Variants in PTPRG observed in about 807,000 individuals in gnomAD.
The protein encoded by PTPRG is receptor-type tyrosine-protein phosphatase gamma.
PTPRG carries 102 observed loss-of-function variants against 165.3 expected under a neutral mutation model. The observed-to-expected ratio is 0.62, with a 90% CI of 0.53 to 0.73. The LOEUF is 0.73. Ranked by LOEUF, PTPRG falls within the 30% of genes least tolerant of loss-of-function variation. PTPRG has a pLI of 0.00. For synonymous variants in PTPRG, 675 were observed against 669.5 expected (o/e 1.01, Z -0.13); for missense variants, 1,866 against 1,861.4 (o/e 1.00, Z -0.05).
At chr3:62,281,423 G>C (rs529936189) in intron 26 of PTPRG, 140 bp from the exon 27 acceptor site, 3 of 661,694 alleles carry the variant, frequency 4.5e-6, no homozygotes, top group African/African-American at 3.7e-5. Flanking sequence ...GGTGTAGTTC[G>C]ATGGGAACAT....
At chr3:61,601,150 G>A (rs1700855854) in intron 1 of PTPRG, among the ~76,000 whole-genome samples, 1 of 152,144 alleles carries the variant, frequency 6.6e-6, no homozygotes, top group African/African-American at 2.4e-5. Flanking sequence ...CACCTCCTTG[G>A]GAGGCTGAGG....
intron 8 of PTPRG, among the ~76,000 whole-genome samples, chr3:62,170,524 T>A (rs1705176227): frequency 6.6e-6 from 1 of 152,178 alleles, no homozygotes; most frequent in Admixed American, 6.5e-5. Context: ...CCAAGAAAGC[T>A]AGGGAGGATA....
chr3:61,693,127 A>G (rs930232505), intron 1 of PTPRG, among the ~76,000 whole-genome samples: 2 of 152,238 alleles, frequency 1.3e-5, no homozygotes, highest in African/African-American at 4.8e-5. Flanking sequence ...TTGCCCATTC[A>G]TTATATCAGA....
chr3:62,205,136 C>T (rs1446299987), intron 12 of PTPRG, among the ~76,000 whole-genome samples: 1 of 151,954 alleles, frequency 6.6e-6, no homozygotes, highest in Non-Finnish European at 1.5e-5. Flanking sequence ...TTACTTTCCT[C>T]TTAAAGCTGC....
chr3:62,167,955 C>T lies in PTPRG; in HGVS notation c.841-16C>T, dbSNP rs1705061357. ...TGTTTTTTTTTTCCCCCTCCCCTCT[C>T]TGGTCCTCTGTTCAGCTTGAGGCTT... On this transcript the variant is annotated splice_polypyrimidine_tract_variant and intron_variant, in intron 7 of 29. Coordinates refer to ENST00000474889, the MANE Select transcript of PTPRG (RefSeq NM_002841.4). The T allele has an allele frequency of 1.2e-6, 2 of 1,602,602 alleles. No homozygotes were observed. The highest frequency in any genetic ancestry group is 1.7e-6 in the Non-Finnish European group (2 of 1,171,010).
At chr3:61,678,342 GA>G (rs1703310022) in intron 1 of PTPRG, among the ~76,000 whole-genome samples, 2 of 152,206 alleles carry the variant, frequency 1.3e-5, no homozygotes, top group African/African-American at 4.8e-5. Context: ...GTCCAGGGAA[GA>G]AATAGTCAAC....
chr3:61,564,626 G>A (rs927111106), intron 1 of PTPRG, among the ~76,000 whole-genome samples: 5 of 152,250 alleles, frequency 3.3e-5, no homozygotes, highest in Admixed American at 2.0e-4. Flanking sequence ...AGAGGGAGCA[G>A]CAGGCTTTGG....
chr3:62,194,067 A>G (rs1356289797), intron 9 of PTPRG, among the ~76,000 whole-genome samples: 1 of 152,198 alleles, frequency 6.6e-6, no homozygotes, highest in African/African-American at 2.4e-5. Flanking sequence ...TTTTCTGGAA[A>G]TGGCTACATA....
intron 5 of PTPRG, among the ~76,000 whole-genome samples, chr3:62,108,815 A>G (rs565822325): frequency 6.6e-6 from 1 of 151,950 alleles, no homozygotes; most frequent in Non-Finnish European, 1.5e-5. Context: ...GCTTTTTTCC[A>G]TGTGTCTGTT....
chr3:61,886,754 C>G (rs535707621), intron 2 of PTPRG, among the ~76,000 whole-genome samples: 1 of 152,252 alleles, frequency 6.6e-6, no homozygotes, highest in Admixed American at 6.5e-5. Flanking sequence ...TTTTCTGTTT[C>G]TTTCCAAATT....
At chr3:61,924,225 G>A (rs1028928849) in intron 2 of PTPRG, among the ~76,000 whole-genome samples, 1 of 152,180 alleles carries the variant, frequency 6.6e-6, no homozygotes, top group African/African-American at 2.4e-5. Context: ...CTGTCTGCCA[G>A]AATGGTCCTG....
At chr3:62,033,738 T>C (rs553465074) in intron 4 of PTPRG, among the ~76,000 whole-genome samples, 5 of 152,240 alleles carry the variant, frequency 3.3e-5, no homozygotes. Flanking sequence ...GACTACTCTT[T>C]TGAGGTTTCC....
At chr3:62,087,471 T>C (rs1239145012) in intron 5 of PTPRG, among the ~76,000 whole-genome samples, 2 of 152,206 alleles carry the variant, frequency 1.3e-5, no homozygotes, top group Admixed American at 6.5e-5. Flanking sequence ...TAATAAAAGT[T>C]AACATTTGCT....
intron 8 of PTPRG, among the ~76,000 whole-genome samples, chr3:62,184,915 T>C (rs28449574): frequency 0.012 from 1,874 of 151,944 alleles, 34 homozygotes; most frequent in African/African-American, 0.044. Flanking sequence ...AGAAGGCCCC[T>C]GGAGGAACCT....
chr3:61,612,509 G>T (rs1575537368), intron 1 of PTPRG, among the ~76,000 whole-genome samples: 1 of 152,162 alleles, frequency 6.6e-6, no homozygotes, highest in East Asian at 1.9e-4. Context: ...TCAACACTGT[G>T]AGCCCAGGTA....
chr3:61,972,947 C>T (rs2040418017), intron 2 of PTPRG, among the ~76,000 whole-genome samples: 1 of 152,166 alleles, frequency 6.6e-6, no homozygotes, highest in East Asian at 1.9e-4. Context: ...GCATGCATCT[C>T]TGTGCCTGGC....
At position 61,891,906 on chromosome 3, in the gene PTPRG, CT is replaced by C. The variant is rs1201328370; in HGVS notation, c.191-97708del. 5.9e-3 allele frequency among the ~76,000 whole-genome samples: 819 copies of C among 138,024 alleles called. 4 individuals are homozygous for C. Among genetic ancestry groups the C allele is most frequent in the African/African-American group, 0.017 (647 of 37,636 alleles). 90.5% of individuals were successfully genotyped at this position (138,024 alleles called of 152,430 possible). On this transcript the variant is annotated intron_variant, in intron 2 of 29. Coordinates refer to ENST00000474889, the MANE Select transcript of PTPRG (RefSeq NM_002841.4). ...GTGTGATTTCACTAAGTTTTCTTTT[CT>C]TTTTTTTTTTCAGTAAATTAATACA...
chr3:62,129,288 G>A (rs1252654021), intron 5 of PTPRG, among the ~76,000 whole-genome samples: 1 of 152,042 alleles, frequency 6.6e-6, no homozygotes, highest in Non-Finnish European at 1.5e-5. Flanking sequence ...TTATTGGTGT[G>A]TATCAGTCAT....
intron 1 of PTPRG, among the ~76,000 whole-genome samples, chr3:61,693,823 C>T (rs373990815): frequency 6.6e-6 from 1 of 151,900 alleles, no homozygotes; most frequent in South Asian, 2.1e-4. Context: ...CTGGGCAACA[C>T]AGTGAAACCC....
Sources: allele counts gnomAD v4.1 joint callset (sites outside exome capture counted in the v4.1 genomes callset), GRCh38; gene constraint gnomAD v4.1.1; transcripts MANE v1.5; gene names NCBI Gene and HGNC (gene_info 2026-07-23, HGNC 2026-07-21).